The following SYN3 variants were observed in gnomAD, a reference collection of about 807,000 sequenced individuals.
The protein encoded by SYN3 is synapsin-3.
In SYN3, 35 loss-of-function variants were observed where a neutral mutation model predicts 65.8. The ratio of observed to expected loss-of-function variants is 0.53; its 90% CI spans 0.41 to 0.70. The LOEUF (loss-of-function observed/expected upper bound fraction) is 0.70. SYN3 is among the 30% of genes least tolerant of loss of function. SYN3 has a pLI of 0.00. For missense variants in SYN3, 680 were observed against 749.0 expected (o/e 0.91, Z 1.08); for synonymous variants, 270 against 292.9 (o/e 0.92, Z 0.80).
chr22:32,781,404 T>G (rs5754283), intron 6 of SYN3, among the ~76,000 whole-genome samples: 38,859 of 152,022 alleles, frequency 0.26, 5,420 homozygotes, highest in African/African-American at 0.37. Flanking sequence ...GGAGCAAGGC[T>G]ATGTGGGTTT....
At chr22:32,706,297 A>AT (rs1277899803) in intron 6 of SYN3, among the ~76,000 whole-genome samples, 1 of 151,946 alleles carries the variant, frequency 6.6e-6, no homozygotes, top group African/African-American at 2.4e-5. Context: ...ACAAAGAGGA[A>AT]TTTTTCAAAG....
At chr22:32,626,205 C>T (rs1009321164) in intron 6 of SYN3, among the ~76,000 whole-genome samples, 5 of 152,074 alleles carry the variant, frequency 3.3e-5, no homozygotes, top group East Asian at 1.9e-4. Flanking sequence ...CACAGCTTGG[C>T]CAGCACTCAC....
intron 6 of SYN3, among the ~76,000 whole-genome samples, chr22:32,854,835 A>C (rs952060449): frequency 6.6e-6 from 1 of 152,196 alleles, no homozygotes; most frequent in African/African-American, 2.4e-5. Flanking sequence ...ATCTGAGTCC[A>C]TCAGAACAAT....
At chr22:32,936,072 T>G (rs1202332150) in intron 3 of SYN3, among the ~76,000 whole-genome samples, 2 of 152,194 alleles carry the variant, frequency 1.3e-5, no homozygotes, top group Non-Finnish European at 2.9e-5. Flanking sequence ...TCCAAACTGG[T>G]GTACCCTGAA....
At chr22:32,635,665 T>A (rs554468035) in intron 6 of SYN3, among the ~76,000 whole-genome samples, 1 of 152,302 alleles carries the variant, frequency 6.6e-6, no homozygotes, top group South Asian at 2.1e-4. Flanking sequence ...TCAGCCGGTA[T>A]GTGCTGGATG....
chr22:32,866,897 G>C (rs767304017), intron 5 of SYN3, among the ~76,000 whole-genome samples: 117 of 152,138 alleles, frequency 7.7e-4, no homozygotes, highest in Non-Finnish European at 8.8e-5. Context: ...GGTATCTAAG[G>C]CAGTGAAAAT....
intron 7 of SYN3, among the ~76,000 whole-genome samples, chr22:32,577,642 T>C (rs910873557): frequency 2.0e-5 from 3 of 152,238 alleles, no homozygotes; most frequent in South Asian, 4.1e-4. Flanking sequence ...TCACAGTACA[T>C]TGTCTACATG....
chr22:32,699,423 G>C (rs575144430), intron 6 of SYN3, among the ~76,000 whole-genome samples: 1 of 152,344 alleles, frequency 6.6e-6, no homozygotes, highest in East Asian at 1.9e-4. Flanking sequence ...CCTCTGTGCA[G>C]GAATGTTCCA....
intron 6 of SYN3, among the ~76,000 whole-genome samples, chr22:32,651,644 C>T (rs1391308627): frequency 2.0e-5 from 3 of 152,142 alleles, no homozygotes; most frequent in Non-Finnish European, 1.5e-5. Context: ...AACTCAGCCA[C>T]GCGTGATACC....
rs911232149 is a variant in SYN3, at chr22:32,685,254, C to A, written c.712-88518G>T. On this transcript the variant is annotated intron_variant, in intron 6 of 13. Transcript: ENST00000358763. ...GGTTTCCTCAGGTGATTCCTATATC[C>A]CTACCTGGAAAACTTCTTCAAGGAG... is the stretch of plus-strand genomic sequence containing the variant. Among the ~76,000 whole-genome samples, 28 of 151,604 alleles carry A rather than the reference C, an allele frequency of 1.8e-4. 1 individual carries two copies. The highest frequency in any genetic ancestry group is 1.8e-3 in the Admixed American group (28 of 15,170).
Position 32,944,627 on chromosome 22 carries a change from C to G in SYN3, c.370-13146G>C, listed in dbSNP as rs531343193. Among the ~76,000 whole-genome samples, 3 of 152,326 alleles carry G rather than the reference C, an allele frequency of 2.0e-5. No individual in the cohort carries two copies. In the East Asian group the frequency reaches 5.8e-4, roughly 29 times the overall value. ...AAACTGGAAGCATTCCCCTTGAAAA[C>G]TGGCATAAGCCAGGGATGCCCTCTC... is the stretch of plus-strand genomic sequence containing the variant. On this transcript the variant is annotated intron_variant, in intron 3 of 13. Coordinates refer to ENST00000358763, the MANE Select transcript of SYN3 (RefSeq NM_003490.4).
At chr22:32,640,759 C>A (rs2146878738) in intron 6 of SYN3, among the ~76,000 whole-genome samples, 1 of 152,044 alleles carries the variant, frequency 6.6e-6, no homozygotes, top group South Asian at 2.1e-4. Context: ...CCCAGCTACT[C>A]CGGAAGCTGA....
chr22:33,048,709 C>T (rs1008450376), intron 1 of SYN3, among the ~76,000 whole-genome samples: 3 of 152,204 alleles, frequency 2.0e-5, no homozygotes, highest in Admixed American at 1.3e-4. Flanking sequence ...CATGCTTGTA[C>T]AGCCTGCAGA....
Position 32,666,056 on chromosome 22 carries a change from C to T in SYN3, c.712-69320G>A, listed in dbSNP as rs545772994. Among the ~76,000 whole-genome samples, 498 of 152,274 alleles carry T rather than the reference C, an allele frequency of 3.3e-3. 1 individual carries two copies. The highest frequency in any genetic ancestry group is 4.4e-3 in the Non-Finnish European group (298 of 68,016). ...TCAAAACCCTGCGGCTCTCTCGATG[C>T]TTTCTCATCTTTCACACCTCACACC... On this transcript the variant is annotated intron_variant, in intron 6 of 13. Transcript: ENST00000358763.
intron 2 of SYN3, among the ~76,000 whole-genome samples, chr22:32,991,684 T>G (rs891522956): frequency 1.3e-5 from 2 of 152,184 alleles, no homozygotes; most frequent in African/African-American, 2.4e-5. Context: ...ACGGACTGAT[T>G]TGTCCCCTCT....
intron 6 of SYN3, among the ~76,000 whole-genome samples, chr22:32,604,408 A>G (rs11704930): frequency 0.16 from 23,972 of 146,494 alleles, 2,565 homozygotes; most frequent in Non-Finnish European, 0.24. Flanking sequence ...CTGACCTTTC[A>G]GTTCTTTACT....
intron 7 of SYN3, among the ~76,000 whole-genome samples, chr22:32,571,703 G>A (rs2058761204): frequency 6.6e-6 from 1 of 152,152 alleles, no homozygotes; most frequent in Non-Finnish European, 1.5e-5. Context: ...AAAATAAAAT[G>A]AATGAAAGTT....
At chr22:32,855,867 T>G (rs1406217228) in intron 6 of SYN3, among the ~76,000 whole-genome samples, 7 of 152,178 alleles carry the variant, frequency 4.6e-5, no homozygotes, top group African/African-American at 1.7e-4. Flanking sequence ...TAGCCAAATA[T>G]CAGCAATTTC....
intron 6 of SYN3, among the ~76,000 whole-genome samples, chr22:32,815,883 A>T (rs2047076920): frequency 6.6e-6 from 1 of 152,164 alleles, no homozygotes; most frequent in Non-Finnish European, 1.5e-5. Context: ...GTATTTGAGC[A>T]GGTGTGTCTG....
Sources: allele counts gnomAD v4.1 joint callset (sites outside exome capture counted in the v4.1 genomes callset), GRCh38; gene constraint gnomAD v4.1.1; transcripts MANE v1.5; gene names NCBI Gene and HGNC (gene_info 2026-07-23, HGNC 2026-07-21).